Variants in PLXNC1 observed in about 807,000 individuals in gnomAD.
The protein encoded by PLXNC1 is plexin-C1.
A neutral mutation model predicts 178.2 loss-of-function variants in PLXNC1; 75 were observed. The ratio of observed to expected loss-of-function variants is 0.42; its 90% CI spans 0.35 to 0.51. The LOEUF (loss-of-function observed/expected upper bound fraction) is 0.51. Among genes scored for constraint, PLXNC1 ranks in the 20% least tolerant of loss-of-function variants. The probability of loss-of-function intolerance (pLI) is 0.02; values close to 1 mark genes in which losing one functional copy is unlikely to be tolerated. For missense variants in PLXNC1, 1,503 were observed against 1,984.4 expected (o/e 0.76, Z 4.61); for synonymous variants, 790 against 779.9 (o/e 1.01, Z -0.22).
intron 2 of PLXNC1, among the ~76,000 whole-genome samples, chr12:94,171,836 G>A (rs922038120): frequency 6.6e-6 from 1 of 151,912 alleles, no homozygotes; most frequent in Non-Finnish European, 1.5e-5. Flanking sequence ...CACCCCCCAA[G>A]CCCCCAATAA....
intron 2 of PLXNC1, among the ~76,000 whole-genome samples, chr12:94,174,980 C>A (rs1961994295): frequency 1.3e-5 from 2 of 152,236 alleles, no homozygotes; most frequent in Non-Finnish European, 2.9e-5. Context: ...ACTACCTACA[C>A]TGCAATAAGT....
rs1969128599 is a variant in PLXNC1, at chr12:94,307,193, C to CTGT, written c.*1911_*1913dup. 1 of 152,190 alleles carries CTGT rather than the reference C, an allele frequency of 6.6e-6. No homozygotes were observed. Among genetic ancestry groups the CTGT allele is most frequent in the South Asian group, 2.1e-4 (1 of 4,832 alleles). The allele number at this position is 152,190 out of a possible 1,614,324, so 9.4% of individuals were successfully genotyped here. Reference sequence around the variant, plus strand: ...GTTACCTCCTCTTCCAGGGACTGTGCTGTTGGGAACTTTGGGCAAGTCACT... The same window carrying CTGT: ...GTTACCTCCTCTTCCAGGGACTGTGCTGTTGTTGGGAACTTTGGGCAAGTCACT... On this transcript the variant is annotated 3_prime_UTR_variant, in exon 31 of 31. Coordinates refer to ENST00000258526, the MANE Select transcript of PLXNC1 (RefSeq NM_005761.3).
chr12:94,293,203 T>C (rs1158160046), intron 23 of PLXNC1, among the ~76,000 whole-genome samples: 1 of 152,216 alleles, frequency 6.6e-6, no homozygotes, highest in Non-Finnish European at 1.5e-5. Context: ...AACTGTTGTA[T>C]AAATATGCCC....
chr12:94,151,684 G>A (rs1471320027), intron 1 of PLXNC1, among the ~76,000 whole-genome samples: 1 of 152,174 alleles, frequency 6.6e-6, no homozygotes, highest in Non-Finnish European at 1.5e-5. Context: ...CAGCTCAGAG[G>A]CCCACAGCAG....
chr12:94,236,040 G>C (rs542224251), intron 9 of PLXNC1, among the ~76,000 whole-genome samples: 1 of 152,134 alleles, frequency 6.6e-6, no homozygotes, highest in African/African-American at 2.4e-5. Flanking sequence ...TATCTTGAAG[G>C]CTTTGCTAAT....
intron 19 of PLXNC1, 110 bp downstream of exon 19, chr12:94,259,844 C>A: frequency 1.2e-6 from 1 of 835,854 alleles, no homozygotes; most frequent in Non-Finnish European, 1.7e-6. Context: ...CAGGCAATCA[C>A]TTGAGGCCAG....
At position 94,260,613 on chromosome 12, in the gene PLXNC1, A is replaced by G. The variant is rs1312495995; in HGVS notation, c.3252-29A>G. The G allele has an allele frequency of 5.7e-6, 9 of 1,571,354 alleles. No individual in the cohort carries two copies. The highest frequency in any genetic ancestry group is 1.4e-5 in the African/African-American group (1 of 73,892). On this transcript the variant is annotated intron_variant, in intron 19 of 30. Coordinates refer to ENST00000258526, the MANE Select transcript of PLXNC1 (RefSeq NM_005761.3). The surrounding 1 kb of genome is among the most constrained non-coding windows in gnomAD (Gnocchi z 4.4). Reference sequence around the variant, plus strand: ...GGGTGTCCAGCTAGGCCTGCAGCCAATGGTTCACCCAGCTCTCTTTTTCAA... The same window carrying G: ...GGGTGTCCAGCTAGGCCTGCAGCCAGTGGTTCACCCAGCTCTCTTTTTCAA...
intron 20 of PLXNC1, among the ~76,000 whole-genome samples, chr12:94,263,117 A>G (rs544766163): frequency 8.5e-5 from 13 of 152,104 alleles, no homozygotes; most frequent in Admixed American, 2.0e-4. Context: ...CTCGCCTAAA[A>G]GTTGTGTTTA....
In PLXNC1 at chr12:94,158,960, G is replaced by T. The variant is rs145484114; in HGVS notation, c.1062+8927G>T. On this transcript the variant is annotated intron_variant, in intron 1 of 30. Coordinates refer to ENST00000258526, the MANE Select transcript of PLXNC1 (RefSeq NM_005761.3). ...GAAAACCATGGCTAAGGTTGATGGA[G>T]TAAAACAGCGGGATTATAAACAGAC... Among the ~76,000 whole-genome samples, 364 of 152,296 alleles carry T rather than the reference G, an allele frequency of 2.4e-3. 1 individual carries two copies. The highest frequency in any genetic ancestry group is 8.5e-3 in the African/African-American group (355 of 41,564).
intron 4 of PLXNC1, among the ~76,000 whole-genome samples, chr12:94,187,935 G>A (rs534303515): frequency 8.5e-4 from 129 of 152,138 alleles, no homozygotes; most frequent in Middle Eastern, 3.4e-3. Context: ...GGCCTTGAGG[G>A]GCTGTGGTGT....
chr12:94,301,139 A>C (rs1968422922), intron 28 of PLXNC1, 82 bp downstream of exon 28: 5 of 1,299,260 alleles, frequency 3.8e-6, no homozygotes, highest in East Asian at 2.3e-5. Flanking sequence ...TCAAATAATA[A>C]ACAATTGGTC....
At chr12:94,246,876 T>A (rs1964542125) in intron 12 of PLXNC1, among the ~76,000 whole-genome samples, 4 of 149,390 alleles carry the variant, frequency 2.7e-5, no homozygotes, top group African/African-American at 9.9e-5. Flanking sequence ...GTCTTTTTTA[T>A]GCTCTAGTAT....
At chr12:94,199,685 G>A (rs2135987826) in intron 4 of PLXNC1, among the ~76,000 whole-genome samples, 1 of 152,342 alleles carries the variant, frequency 6.6e-6, no homozygotes, top group African/African-American at 2.4e-5. Flanking sequence ...AGGCAAAGGG[G>A]ATAGCAGTGC....
At chr12:94,166,322 A>G (rs1334100496) in intron 1 of PLXNC1, among the ~76,000 whole-genome samples, 12 of 152,178 alleles carry the variant, frequency 7.9e-5, no homozygotes, top group Non-Finnish European at 1.3e-4. Context: ...CTGTGCTCTT[A>G]TCATCATTTC....
At chr12:94,201,450 A>G (rs1963113038) in intron 4 of PLXNC1, among the ~76,000 whole-genome samples, 1 of 152,196 alleles carries the variant, frequency 6.6e-6, no homozygotes, top group African/African-American at 2.4e-5. Flanking sequence ...AATAATAATA[A>G]TGAATATTTA....
intron 22 of PLXNC1, 164 bp from the exon 23 acceptor site, chr12:94,282,134 T>C (rs200328363): frequency 1.2e-4 from 20 of 172,732 alleles, no homozygotes; most frequent in Non-Finnish European, 1.8e-4. Context: ...ACAAACAAAG[T>C]AAAACAGAAC....
At chr12:94,217,956 A>C (rs1963691741) in intron 5 of PLXNC1, among the ~76,000 whole-genome samples, 2 of 152,240 alleles carry the variant, frequency 1.3e-5, no homozygotes, top group South Asian at 4.1e-4. Flanking sequence ...AGTTATGTAA[A>C]AGCTACATAT....
Position 94,265,094 on chromosome 12 carries a change from C to T in PLXNC1, c.3466C>T (p.Pro1156Ser). The change falls in exon 21 of 31, where the codon CCC becomes TCC. Residue 1156 changes from proline (P) to serine (S), a missense_variant. By Grantham distance (74) the Pro-to-Ser change is moderately conservative. Transcript: ENST00000258526. ...SGFLRETVGE[P>S]FYLLVTTLNQ... ...CTTTTCCAAGGAGACTGTCGGAGAG[C>T]CCTTCTATTTGCTGGTGACGACTCT... is the stretch of plus-strand genomic sequence containing the variant. The T allele has an allele frequency of 6.2e-7, 1 of 1,614,100 alleles. No homozygotes were observed. The highest frequency in any genetic ancestry group is 8.5e-7 in the Non-Finnish European group (1 of 1,179,958).
At chr12:94,166,992 T>C (rs969028621) in intron 1 of PLXNC1, among the ~76,000 whole-genome samples, 3 of 152,076 alleles carry the variant, frequency 2.0e-5, no homozygotes, top group African/African-American at 7.2e-5. Flanking sequence ...CTCCAACTCT[T>C]GGCCTCAAGC....
Sources: allele counts gnomAD v4.1 joint callset (sites outside exome capture counted in the v4.1 genomes callset), GRCh38; gene constraint gnomAD v4.1.1; non-coding constraint Gnocchi (gnomAD v3.1); transcripts MANE v1.5; gene names NCBI Gene and HGNC (gene_info 2026-07-23, HGNC 2026-07-21).